ABLIM2: variants seen among roughly 807,000 people sequenced by gnomAD.
ABLIM2 encodes the protein actin-binding LIM protein 2.
ABLIM2 carries 53 observed loss-of-function variants against 97.7 expected under a neutral mutation model. The observed-to-expected ratio is 0.54, with a 90% confidence interval of 0.44 to 0.68. The LOEUF is 0.68. Among genes scored for constraint, ABLIM2 ranks in the 30% least tolerant of loss-of-function variants. The pLI, the probability that ABLIM2 is intolerant of heterozygous loss-of-function variation, is 0.00. For missense variants in ABLIM2, 835 were observed against 867.2 expected (o/e 0.96, Z 0.47); for synonymous variants, 361 against 345.8 (o/e 1.04, Z -0.49).
chr4:8,065,861 T>C (rs1806789760), intron 6 of ABLIM2, among the ~76,000 whole-genome samples: 1 of 148,898 alleles, frequency 6.7e-6, no homozygotes, highest in African/African-American at 2.5e-5. Flanking sequence ...GAGGCGGAGG[T>C]TGCAGTGAGC....
At chr4:7,967,773 C>T (rs554978524) in intron 20 of ABLIM2, among the ~76,000 whole-genome samples, 2 of 152,346 alleles carry the variant, frequency 1.3e-5, no homozygotes, top group East Asian at 3.9e-4. Context: ...GACCCTGGAG[C>T]CTCAGTCTGC....
chr4:7,984,070 G>A (rs753165280), intron 18 of ABLIM2, among the ~76,000 whole-genome samples: 65 of 152,270 alleles, frequency 4.3e-4, no homozygotes, highest in Admixed American at 5.9e-4. Flanking sequence ...GTCTTATCAC[G>A]AAAATGAAAT....
intron 1 of ABLIM2, among the ~76,000 whole-genome samples, chr4:8,110,496 C>A (rs1287656215): frequency 2.6e-5 from 4 of 152,146 alleles, no homozygotes; most frequent in Non-Finnish European, 5.9e-5. Context: ...TCTTGTGTTA[C>A]CTGGCCCCAA....
chr4:8,037,105 A>G (rs1195866262), intron 9 of ABLIM2, among the ~76,000 whole-genome samples: 1 of 152,230 alleles, frequency 6.6e-6, no homozygotes, highest in East Asian at 1.9e-4. Context: ...TTTAACTTAC[A>G]TAAATAAAAT....
rs1169982822 is a variant in ABLIM2 at position 8,027,772 on chromosome 4, G to A, written c.1254C>T (p.Ile418=). 1 of 1,592,096 alleles carries A rather than the reference G, an allele frequency of 6.3e-7. No individual in the cohort carries two copies. The highest frequency in any genetic ancestry group is 8.5e-7 in the Non-Finnish European group (1 of 1,170,032). The change falls in exon 12 of 21, where the codon ATC becomes ATT. Residue 418 remains isoleucine, a synonymous_variant. Coordinates refer to ENST00000447017, the MANE Select transcript of ABLIM2 (RefSeq NM_001130083.2). ...SPTSVFRHHY[I]PYFRGSESGR... Reference sequence around the variant, plus strand: ...TGCGTGCCTTACCTCGGAAGTAGGGGATGTAATGATGTCTGAACACGGATG... The same window carrying A: ...TGCGTGCCTTACCTCGGAAGTAGGGAATGTAATGATGTCTGAACACGGATG...
rs1327840453 is a variant in ABLIM2 at position 8,071,652 on chromosome 4, G to A, written c.675+5976C>T. 1 of 956,256 alleles carries A rather than the reference G, an allele frequency of 1.0e-6. No individual in the cohort carries two copies. The highest frequency in any genetic ancestry group is 1.8e-5 in the African/African-American group (1 of 56,606). 59.2% of individuals were successfully genotyped at this position (956,256 alleles called of 1,614,324 possible). Reference sequence around the variant, plus strand: ...GGGCAAAACGGGGGTGGGGGAACAGGTGGCTCCGAGGTCTCACACCTGACT... The same window carrying A: ...GGGCAAAACGGGGGTGGGGGAACAGATGGCTCCGAGGTCTCACACCTGACT... On this transcript the variant is annotated intron_variant, in intron 6 of 20. Transcript: ENST00000447017. The surrounding 1 kb of genome is among the most constrained non-coding windows in gnomAD (Gnocchi z 6.2).
In ABLIM2 at chr4:8,044,301, C is replaced by T. The variant is rs1314672972; in HGVS notation, c.900+863G>A. Among the ~76,000 whole-genome samples, 2 of 152,068 alleles carry T rather than the reference C, an allele frequency of 1.3e-5. No homozygotes were observed. The highest frequency in any genetic ancestry group is 2.4e-5 in the African/African-American group (1 of 41,490). ...GTGCTGGGTTCTGGTGCAGGGGCAG[C>T]CTACATGGCAGTCCCGGGTGACCCC... On this transcript the variant is annotated intron_variant, in intron 9 of 20. Transcript: ENST00000447017. The surrounding 1 kb of genome is among the most constrained non-coding windows in gnomAD (Gnocchi z 4.4).
intron 1 of ABLIM2, among the ~76,000 whole-genome samples, chr4:8,151,152 G>A (rs1412709269): frequency 6.6e-6 from 1 of 152,184 alleles, no homozygotes; most frequent in African/African-American, 2.4e-5. Flanking sequence ...GACGATTGGG[G>A]CTGGAGCCCA....
chr4:7,993,289 C>T (rs1036366613), intron 16 of ABLIM2, among the ~76,000 whole-genome samples: 1 of 152,256 alleles, frequency 6.6e-6, no homozygotes, highest in Non-Finnish European at 1.5e-5. Context: ...GGCGCAGTCT[C>T]TGGAACCCTG....
rs761503623 is a variant in ABLIM2, at chr4:8,019,703, A to G, written c.1370-32T>C. 12 of 1,584,848 alleles carry G rather than the reference A, an allele frequency of 7.6e-6. No homozygotes were observed. In the South Asian group the frequency reaches 1.0e-4, roughly 13 times the overall value. ...AAGAAGAAAGAAAAAAAAGGAGAGAACAGGAGGGTAAGCAGCAAGTTGTGA... is the reference window on the plus strand; with the variant it reads ...AAGAAGAAAGAAAAAAAAGGAGAGAGCAGGAGGGTAAGCAGCAAGTTGTGA... On this transcript the variant is annotated intron_variant, in intron 13 of 20. Coordinates refer to ENST00000447017, the MANE Select transcript of ABLIM2 (RefSeq NM_001130083.2). The surrounding 1 kb of genome is among the most constrained non-coding windows in gnomAD (Gnocchi z 4.3).
intron 17 of ABLIM2, among the ~76,000 whole-genome samples, chr4:7,985,862 G>A (rs561635557): frequency 6.6e-6 from 1 of 152,286 alleles, no homozygotes. Context: ...AAGCATCATC[G>A]ACACGTCCTG....
chr4:7,993,919 G>GT (rs1323190115), intron 16 of ABLIM2: 1 of 513,804 alleles, frequency 1.9e-6, no homozygotes, highest in East Asian at 5.5e-5. Context: ...CTTGCTGGGA[G>GT]TTTGAGACCT....
chr4:8,030,637 G>A (rs889806567), intron 10 of ABLIM2, among the ~76,000 whole-genome samples: 2 of 152,188 alleles, frequency 1.3e-5, no homozygotes, highest in African/African-American at 4.8e-5. Context: ...TCCTACCTGC[G>A]CTTCACCCTG....
In ABLIM2 at chr4:8,136,977, G is replaced by A. The variant is rs148826767; in HGVS notation, c.10+21703C>T. Among the ~76,000 whole-genome samples, 34 of 152,372 alleles carry A rather than the reference G, an allele frequency of 2.2e-4. No individual in the cohort carries two copies. The East Asian group carries it at 4.2e-3, about 19-fold the overall frequency. On this transcript the variant is annotated intron_variant, in intron 1 of 20. Transcript: ENST00000447017. ...GGCCCTTGGGAGGTGATTAGGTCAT[G>A]AGGGTGGGGCCCAAAGAGCTCATTG...
intron 14 of ABLIM2, among the ~76,000 whole-genome samples, chr4:8,016,043 ATT>A (rs4006048): frequency 3.6e-5 from 4 of 111,124 alleles, no homozygotes; most frequent in Admixed American, 1.1e-4. Context: ...TTGTTGTTGT[ATT>A]TTTTTTTTTT....
intron 8 of ABLIM2, among the ~76,000 whole-genome samples, chr4:8,048,763 G>C (rs1165992342): frequency 6.6e-6 from 1 of 152,130 alleles, no homozygotes; most frequent in African/African-American, 2.4e-5. Flanking sequence ...TTCCAAAGGA[G>C]ACCCACCTTG....
At chr4:7,977,519 G>A (rs747137952) in intron 20 of ABLIM2, among the ~76,000 whole-genome samples, 16 of 152,192 alleles carry the variant, frequency 1.1e-4, no homozygotes, top group Non-Finnish European at 2.1e-4. Flanking sequence ...GGCCGGTGTG[G>A]TGGCTCATGC....
chr4:7,993,834 G>A (rs980837726), intron 16 of ABLIM2: 9 of 456,458 alleles, frequency 2.0e-5, no homozygotes, highest in Non-Finnish European at 4.0e-5. Context: ...TGTCAGGAGG[G>A]GGCAGCCTTT....
In ABLIM2 at chr4:8,032,041, A is replaced by G. The variant is rs1342614365; in HGVS notation, c.1048-2265T>C. On this transcript the variant is annotated intron_variant, in intron 10 of 20. Coordinates refer to ENST00000447017, the MANE Select transcript of ABLIM2 (RefSeq NM_001130083.2). This position sits in a 1 kb window ranked among gnomAD's most constrained non-coding sequence, Gnocchi z 4.3. Reference sequence around the variant, plus strand: ...CACGCCCAGCCTATGAAATGTTTACAATGGCATCAAGCACAGGGGAAGAGC... The same window carrying G: ...CACGCCCAGCCTATGAAATGTTTACGATGGCATCAAGCACAGGGGAAGAGC... 6.6e-6 allele frequency among the ~76,000 whole-genome samples: 1 copy of G among 152,068 alleles called. No individual in the cohort carries two copies. Among genetic ancestry groups the G allele is most frequent in the Non-Finnish European group, 1.5e-5 (1 of 68,014 alleles).
Sources: allele counts gnomAD v4.1 joint callset (sites outside exome capture counted in the v4.1 genomes callset), GRCh38; gene constraint gnomAD v4.1.1; non-coding constraint Gnocchi (gnomAD v3.1); transcripts MANE v1.5; gene names NCBI Gene and HGNC (gene_info 2026-07-23, HGNC 2026-07-21).